The following RELN variants were observed in gnomAD, a reference collection of about 807,000 sequenced individuals.
RELN encodes reelin.
RELN carries 108 observed loss-of-function variants against 427.6 expected under a neutral mutation model. The ratio of observed to expected loss-of-function variants is 0.25; its 90% confidence interval spans 0.22 to 0.30. The LOEUF (loss-of-function observed/expected upper bound fraction) is 0.30. RELN is among the 10% of genes least tolerant of loss of function. The probability of loss-of-function intolerance (pLI) is 1.00; values close to 1 mark genes in which losing one functional copy is unlikely to be tolerated. For missense variants in RELN, 3,715 were observed against 4,302.8 expected (o/e 0.86, Z 3.82); for synonymous variants, 1,524 against 1,513.4 (o/e 1.01, Z -0.16).
chr7:103,837,109 AGAAAG>A (rs1429181334), intron 2 of RELN, among the ~76,000 whole-genome samples: 1 of 152,240 alleles, frequency 6.6e-6, no homozygotes, highest in Non-Finnish European at 1.5e-5. Flanking sequence ...TGTGGTACAA[AGAAAG>A]GATTCGACTT....
At chr7:103,852,166 G>A (rs1270096100) in intron 2 of RELN, among the ~76,000 whole-genome samples, 1 of 152,148 alleles carries the variant, frequency 6.6e-6, no homozygotes, top group Non-Finnish European at 1.5e-5. Context: ...CTTGGGAGAA[G>A]TGTTTTGGTC....
chr7:103,669,441 A>T (rs1165426276), intron 11 of RELN, among the ~76,000 whole-genome samples: 1 of 152,186 alleles, frequency 6.6e-6, no homozygotes, highest in Non-Finnish European at 1.5e-5. Context: ...GAGGCCAAGT[A>T]TCCTTAAGGA....
chr7:103,988,805 G>A lies in RELN; in HGVS notation c.226+326C>T, dbSNP rs1298893107. Among the ~76,000 whole-genome samples, 1 of 152,200 alleles carries A rather than the reference G, an allele frequency of 6.6e-6. No homozygotes were observed. Among genetic ancestry groups the A allele is most frequent in the Admixed American group, 6.5e-5 (1 of 15,290 alleles). On this transcript the variant is annotated intron_variant, in intron 1 of 64. Transcript: ENST00000428762. This position sits in a 1 kb window ranked among gnomAD's most constrained non-coding sequence, Gnocchi z 4.9. ...AGTCCTAGGAGTAAAGAAACAAAAT[G>A]CGCAGGTTCAATTTAAAGTGCCTGC...
At chr7:103,540,062 G>A (rs759876316) in intron 44 of RELN, 135 bp downstream of exon 44, 27 of 884,416 alleles carry the variant, frequency 3.1e-5, no homozygotes, top group African/African-American at 2.1e-4. Context: ...ATCTAGCTGC[G>A]TGCCCTTGGG....
At chr7:103,628,265 C>T (rs1699711880) in intron 20 of RELN, 1 of 152,154 alleles carries the variant, frequency 6.6e-6, no homozygotes, top group African/African-American at 2.4e-5. Flanking sequence ...TAAAAACAAG[C>T]ATCTGAGGCT....
intron 11 of RELN, among the ~76,000 whole-genome samples, chr7:103,672,265 G>A (rs1337269430): frequency 6.6e-6 from 1 of 152,138 alleles, no homozygotes; most frequent in East Asian, 1.9e-4. Context: ...TAGGGAGTCA[G>A]TTGCTGCATT....
intron 19 of RELN, among the ~76,000 whole-genome samples, chr7:103,633,283 A>G (rs375019596): frequency 2.6e-5 from 4 of 152,128 alleles, no homozygotes; most frequent in East Asian, 1.9e-4. Context: ...ACTGAAGGAA[A>G]TATAGCAAAT....
intron 3 of RELN, among the ~76,000 whole-genome samples, chr7:103,833,222 C>G (rs1793318063): frequency 6.6e-6 from 1 of 152,078 alleles, no homozygotes; most frequent in Non-Finnish European, 1.5e-5. Context: ...ACTTGGTACC[C>G]TTTAAAAAAT....
chr7:103,981,739 G>A (rs1284411053), intron 1 of RELN, among the ~76,000 whole-genome samples: 2 of 152,220 alleles, frequency 1.3e-5, no homozygotes, highest in African/African-American at 4.8e-5. Context: ...ACCATCATTG[G>A]CATGTGGCCA....
chr7:103,564,402 T>C (rs1242069556), intron 34 of RELN, among the ~76,000 whole-genome samples: 1 of 152,112 alleles, frequency 6.6e-6, no homozygotes, highest in Non-Finnish European at 1.5e-5. Flanking sequence ...AACCGGAGTT[T>C]AGCAAAGTCA....
chr7:103,739,947 T>G (rs985686633), intron 6 of RELN, among the ~76,000 whole-genome samples: 2 of 152,040 alleles, frequency 1.3e-5, no homozygotes, highest in African/African-American at 2.4e-5. Context: ...ACAGAACCAC[T>G]GCTCAGAAAC....
At chr7:103,645,074 A>T (rs1031560768) in intron 16 of RELN, among the ~76,000 whole-genome samples, 1 of 151,802 alleles carries the variant, frequency 6.6e-6, no homozygotes, top group Non-Finnish European at 1.5e-5. Context: ...AGGCAAGCAA[A>T]TGCTAAGGGA....
intron 8 of RELN, among the ~76,000 whole-genome samples, chr7:103,706,039 A>G (rs1193553648): frequency 3.3e-5 from 5 of 152,222 alleles, no homozygotes; most frequent in African/African-American, 1.2e-4. Flanking sequence ...TGCTTACTAA[A>G]GAACTTACAG....
chr7:103,725,300 C>T (rs1790178385), intron 7 of RELN, among the ~76,000 whole-genome samples: 1 of 152,162 alleles, frequency 6.6e-6, no homozygotes, highest in Non-Finnish European at 1.5e-5. Flanking sequence ...TGCCTATAAT[C>T]CCAGCACTTT....
At chr7:103,914,902 A>C (rs756104328) in intron 2 of RELN, among the ~76,000 whole-genome samples, 1 of 152,134 alleles carries the variant, frequency 6.6e-6, no homozygotes, top group African/African-American at 2.4e-5. Context: ...TGGGCTCTCC[A>C]GTGTTTTCTC....
chr7:103,706,187 T>C (rs569698450), intron 8 of RELN, among the ~76,000 whole-genome samples: 5 of 151,520 alleles, frequency 3.3e-5, no homozygotes, highest in East Asian at 1.9e-4. Flanking sequence ...TTGGTAAATA[T>C]GCTAGTAGGG....
intron 2 of RELN, among the ~76,000 whole-genome samples, chr7:103,881,527 C>T (rs899353490): frequency 1.3e-5 from 2 of 152,120 alleles, no homozygotes; most frequent in Admixed American, 6.6e-5. Flanking sequence ...CATTGACCTA[C>T]TTCCAGTTCC....
chr7:103,790,836 C>A (rs916085565), intron 3 of RELN, among the ~76,000 whole-genome samples: 2 of 152,038 alleles, frequency 1.3e-5, no homozygotes, highest in Non-Finnish European at 2.9e-5. Context: ...GTGGTGCATG[C>A]TTGTAGTCCC....
At chr7:103,580,752 C>T (rs568996434) in intron 28 of RELN, among the ~76,000 whole-genome samples, 115 of 152,290 alleles carry the variant, frequency 7.6e-4, no homozygotes, top group Non-Finnish European at 9.6e-4. Context: ...CCCTCTGAGT[C>T]CCCAAAGTCC....
Sources: allele counts gnomAD v4.1 joint callset (sites outside exome capture counted in the v4.1 genomes callset), GRCh38; gene constraint gnomAD v4.1.1; non-coding constraint Gnocchi (gnomAD v3.1); transcripts MANE v1.5; gene names NCBI Gene and HGNC (gene_info 2026-07-23, HGNC 2026-07-21).